NAALADL2: variants seen among roughly 807,000 people sequenced by gnomAD.
NAALADL2 encodes the protein inactive N-acetylated-alpha-linked acidic dipeptidase-like protein 2.
NAALADL2 carries 76 observed loss-of-function variants against 87.2 expected under a neutral mutation model. That is an observed-to-expected ratio of 0.87 (90% CI 0.72 to 1.05). The LOEUF is 1.05. Ranked by LOEUF, NAALADL2 falls within the 50% of genes least tolerant of loss-of-function variation. NAALADL2 has a pLI of 0.00. For missense variants in NAALADL2, 1,089 were observed against 945.8 expected, an observed-to-expected ratio of 1.15 and a Z score of -1.99; for synonymous variants, 354 against 331.0, an observed-to-expected ratio of 1.07 and a Z score of -0.75.
At chr3:174,964,264 G>T (rs1742554852) in intron 1 of NAALADL2, among the ~76,000 whole-genome samples, 1 of 152,038 alleles carries the variant, frequency 6.6e-6, no homozygotes, top group Non-Finnish European at 1.5e-5. Flanking sequence ...ACATTTTAGT[G>T]GCAGGAGTGA....
chr3:175,157,461 C>T (rs1260131512), intron 2 of NAALADL2, among the ~76,000 whole-genome samples: 2 of 152,038 alleles, frequency 1.3e-5, no homozygotes, highest in African/African-American at 4.8e-5. Flanking sequence ...AATAACCTGA[C>T]ACACAATAAG....
intron 2 of NAALADL2, among the ~76,000 whole-genome samples, chr3:174,660,168 AAT>A (rs917594363): frequency 6.6e-6 from 1 of 152,156 alleles, no homozygotes; most frequent in African/African-American, 2.4e-5. Context: ...TATAGTAGGA[AAT>A]ATGTGTTTAT....
intron 9 of NAALADL2, among the ~76,000 whole-genome samples, chr3:175,503,211 A>G (rs191064470): frequency 2.0e-4 from 30 of 152,148 alleles, no homozygotes; most frequent in Admixed American, 1.8e-3. Flanking sequence ...TAATTTGCAT[A>G]GGTTAATGGC....
intron 1 of NAALADL2, among the ~76,000 whole-genome samples, chr3:174,881,051 GC>G (rs919093564): frequency 1.3e-5 from 2 of 151,976 alleles, no homozygotes; most frequent in African/African-American, 4.8e-5. Flanking sequence ...GATACCTATT[GC>G]TGGATTCAGA....
intron 2 of NAALADL2, among the ~76,000 whole-genome samples, chr3:175,134,447 T>C (rs1728767321): frequency 6.6e-6 from 1 of 152,202 alleles, no homozygotes; most frequent in African/African-American, 2.4e-5. Context: ...GGGTCCTTTT[T>C]CATGACTGTT....
chr3:175,484,875 C>T (rs1300489356), intron 9 of NAALADL2, among the ~76,000 whole-genome samples: 1 of 152,144 alleles, frequency 6.6e-6, no homozygotes, highest in African/African-American at 2.4e-5. Flanking sequence ...GACAACAGAA[C>T]TGTTACTTGC....
At chr3:175,712,664 A>G (rs191845493) in intron 11 of NAALADL2, among the ~76,000 whole-genome samples, 43 of 152,222 alleles carry the variant, frequency 2.8e-4, no homozygotes, top group Admixed American at 3.9e-4. Flanking sequence ...TCATGTATAG[A>G]TGCATCAGAA....
chr3:174,815,739 C>T (rs1368279589), intron 3 of NAALADL2, among the ~76,000 whole-genome samples: 2 of 148,880 alleles, frequency 1.3e-5, no homozygotes, highest in African/African-American at 4.9e-5. Context: ...TATAAAAATA[C>T]AAAATGTGAT....
At chr3:175,372,694 G>A (rs1350048054) in intron 5 of NAALADL2, among the ~76,000 whole-genome samples, 3 of 152,110 alleles carry the variant, frequency 2.0e-5, no homozygotes, top group African/African-American at 2.4e-5. Flanking sequence ...TTATACCTGG[G>A]CACGTTGCCA....
chr3:174,984,521 C>CCAATG (rs1745566366), intron 1 of NAALADL2, among the ~76,000 whole-genome samples: 1 of 151,962 alleles, frequency 6.6e-6, no homozygotes, highest in African/African-American at 2.4e-5. Flanking sequence ...AGTGCAAAAC[C>CCAATG]CAATGGATCA....
At chr3:175,631,990 G>C (rs761974276) in intron 11 of NAALADL2, among the ~76,000 whole-genome samples, 1 of 151,950 alleles carries the variant, frequency 6.6e-6, no homozygotes, top group African/African-American at 2.4e-5. Flanking sequence ...AATAAACAAG[G>C]TAAATAAATC....
Position 175,290,243 on chromosome 3 carries a change from C to T in NAALADL2, c.939+33713C>T, listed in dbSNP as rs191467330. Among the ~76,000 whole-genome samples, 63 of 152,238 alleles carry T rather than the reference C, an allele frequency of 4.1e-4. No homozygotes were observed. The East Asian group carries it at 0.012, about 28-fold the overall frequency. The stretch of plus-strand genomic sequence containing the variant: ...AAACATAGCAGCTTATTCATAAAAG[C>T]CCCATACTGGAGACAATCTAAATAT... On this transcript the variant is annotated intron_variant, in intron 4 of 13. Transcript: ENST00000454872.
At chr3:174,707,207 C>G (rs2108901475) in intron 2 of NAALADL2, among the ~76,000 whole-genome samples, 1 of 152,256 alleles carries the variant, frequency 6.6e-6, no homozygotes, top group South Asian at 2.1e-4. Context: ...GGACTGTAAA[C>G]TAGTTCAACC....
intron 4 of NAALADL2, among the ~76,000 whole-genome samples, chr3:175,300,084 T>A (rs1756862749): frequency 6.6e-6 from 1 of 152,166 alleles, no homozygotes; most frequent in African/African-American, 2.4e-5. Flanking sequence ...TGTGATGGAT[T>A]ATGTTTATTG....
intron 1 of NAALADL2, among the ~76,000 whole-genome samples, chr3:175,095,258 C>A (rs890099885): frequency 6.6e-6 from 1 of 152,026 alleles, no homozygotes; most frequent in Non-Finnish European, 1.5e-5. Flanking sequence ...ATAATTATTT[C>A]TCGTATTTTC....
intron 1 of NAALADL2, among the ~76,000 whole-genome samples, chr3:174,454,156 C>T (rs569599160): frequency 6.5e-4 from 99 of 152,158 alleles, no homozygotes; most frequent in Non-Finnish European, 9.7e-4. Context: ...AAGGGCATTA[C>T]GTAATGATAA....
chr3:174,934,799 T>TA (rs1737439115), intron 1 of NAALADL2, among the ~76,000 whole-genome samples: 1 of 151,898 alleles, frequency 6.6e-6, no homozygotes, highest in East Asian at 1.9e-4. Context: ...GAAAGACAAC[T>TA]AAAAAGTAAT....
At chr3:174,614,139 A>T (rs1347004532) in intron 2 of NAALADL2, among the ~76,000 whole-genome samples, 1 of 152,088 alleles carries the variant, frequency 6.6e-6, no homozygotes, top group African/African-American at 2.4e-5. Flanking sequence ...TGAGCAGTTC[A>T]GCCTTGGGTT....
intron 5 of NAALADL2, among the ~76,000 whole-genome samples, chr3:175,333,918 A>G (rs555411650): frequency 1.6e-4 from 25 of 152,312 alleles, no homozygotes; most frequent in African/African-American, 5.8e-4. Flanking sequence ...CATTCCATGC[A>G]TGTAACAAAA....
Sources: gnomAD v4.1 joint callset for allele counts (sites outside exome capture counted in the v4.1 genomes callset) on GRCh38, gnomAD v4.1.1 for gene constraint, MANE v1.5 for transcripts, NCBI Gene and HGNC (gene_info 2026-07-23, HGNC 2026-07-21) for gene names.